NUDT7: variants seen among roughly 807,000 people sequenced by gnomAD.
NUDT7 encodes the protein nudix hydrolase 7, also known as peroxisomal coenzyme A diphosphatase NUDT7.
A neutral mutation model predicts 13.1 loss-of-function variants in NUDT7; 19 were observed. The observed-to-expected ratio is 1.45, with a 90% confidence interval of 1.01 to 2.13. The LOEUF is 2.13. Among genes scored for constraint, NUDT7 ranks in the 30% most tolerant of loss-of-function variants. The pLI, the probability that NUDT7 is intolerant of heterozygous loss-of-function variation, is 0.00. For missense variants in NUDT7, 360 were observed against 291.7 expected (o/e 1.23, Z -1.71); for synonymous variants, 132 against 109.7 (o/e 1.20, Z -1.27).
intron 3 of NUDT7, among the ~76,000 whole-genome samples, chr16:77,737,767 G>T (rs1251786062): frequency 6.6e-6 from 1 of 152,158 alleles, no homozygotes; most frequent in Non-Finnish European, 1.5e-5. Flanking sequence ...CTATAGACGT[G>T]AGCCACCACA....
intron 2 of NUDT7, among the ~76,000 whole-genome samples, chr16:77,734,417 A>G (rs760655032): frequency 7.2e-5 from 11 of 152,162 alleles, no homozygotes; most frequent in Non-Finnish European, 1.6e-4. Flanking sequence ...AGGTCAGAAG[A>G]TCGAGACCAG....
At chr16:77,738,553 C>A (rs765101213) in intron 3 of NUDT7, among the ~76,000 whole-genome samples, 41 of 152,004 alleles carry the variant, frequency 2.7e-4, no homozygotes, top group Non-Finnish European at 5.1e-4. Flanking sequence ...ATTTTTCAAC[C>A]CTGGGGAATT....
At chr16:77,728,434 T>C (rs912981460) in intron 2 of NUDT7, among the ~76,000 whole-genome samples, 1 of 152,130 alleles carries the variant, frequency 6.6e-6, no homozygotes, top group African/African-American at 2.4e-5. Flanking sequence ...AGTTTCACCA[T>C]GTTGGTTGGC....
chr16:77,728,602 G>T (rs146323345), intron 2 of NUDT7, among the ~76,000 whole-genome samples: 1 of 152,162 alleles, frequency 6.6e-6, no homozygotes, highest in South Asian at 2.1e-4. Context: ...TGAAAACAGC[G>T]CCTCATGTGC....
At chr16:77,733,765 AC>A (rs1161876140) in intron 2 of NUDT7, among the ~76,000 whole-genome samples, 2 of 152,202 alleles carry the variant, frequency 1.3e-5, no homozygotes, top group Non-Finnish European at 2.9e-5. Flanking sequence ...CCCATTGCAC[AC>A]AGTTGGAAAG....
chr16:77,726,621 C>A (rs182458271), intron 2 of NUDT7, among the ~76,000 whole-genome samples: 4 of 152,116 alleles, frequency 2.6e-5, no homozygotes, highest in African/African-American at 9.6e-5. Context: ...ATAGTGAAAC[C>A]CCATCTCTAC....
rs1367295845 is a variant in NUDT7, at chr16:77,731,346, C to A, written c.190-4482C>A. Among the ~76,000 whole-genome samples, 3 of 124,370 alleles carry A rather than the reference C, an allele frequency of 2.4e-5. No homozygotes were observed. In the East Asian group the frequency reaches 7.9e-4, roughly 33 times the overall value. 81.6% of individuals were successfully genotyped at this position (124,370 alleles called of 152,430 possible). A position where few individuals can be genotyped will look rare whatever the true frequency, so the allele number is the denominator to read the frequency against. ...AACTGTTTTTCCATCAATGATGGAC[C>A]ATGGACCATATATACAATGGTGGCC... On this transcript the variant is annotated intron_variant, in intron 2 of 3. Coordinates refer to ENST00000268533, the MANE Select transcript of NUDT7 (RefSeq NM_001105663.3).
At chr16:77,728,734 T>G (rs1020526284) in intron 2 of NUDT7, among the ~76,000 whole-genome samples, 5 of 152,166 alleles carry the variant, frequency 3.3e-5, no homozygotes, top group Non-Finnish European at 7.4e-5. Flanking sequence ...GGGTCCACCT[T>G]GGATAAGGGA....
intron 2 of NUDT7, among the ~76,000 whole-genome samples, chr16:77,727,383 G>A (rs2014170302): frequency 6.7e-6 from 1 of 148,588 alleles, no homozygotes; most frequent in Admixed American, 6.7e-5. Context: ...TTTTGTGGAC[G>A]TGGAAGTAGA....
At chr16:77,738,339 C>T (rs1434071975) in intron 3 of NUDT7, among the ~76,000 whole-genome samples, 2 of 152,048 alleles carry the variant, frequency 1.3e-5, no homozygotes, top group East Asian at 3.9e-4. Context: ...TTCCTGGGGG[C>T]CAGATACTCC....
intron 2 of NUDT7, among the ~76,000 whole-genome samples, chr16:77,728,203 G>C (rs1013977375): frequency 6.6e-6 from 1 of 152,018 alleles, no homozygotes; most frequent in African/African-American, 2.4e-5. Context: ...TCTCAAATGT[G>C]CAATCTCCCA....
At chr16:77,732,684 G>A (rs1489876347) in intron 2 of NUDT7, among the ~76,000 whole-genome samples, 2 of 152,252 alleles carry the variant, frequency 1.3e-5, no homozygotes, top group African/African-American at 4.8e-5. Flanking sequence ...TAGGTTTATA[G>A]TAGTCTATAT....
chr16:77,726,808 A>G (rs779675189), intron 2 of NUDT7, among the ~76,000 whole-genome samples: 2 of 152,130 alleles, frequency 1.3e-5, no homozygotes, highest in Non-Finnish European at 2.9e-5. Flanking sequence ...AAAAGAAAGA[A>G]AGAAAGAAAA....
intron 2 of NUDT7, among the ~76,000 whole-genome samples, chr16:77,727,815 C>G (rs1038225064): frequency 2.6e-5 from 4 of 151,986 alleles, no homozygotes; most frequent in Non-Finnish European, 5.9e-5. Flanking sequence ...CGAGATCGTG[C>G]CACTGCACTC....
chr16:77,741,282 C>T (rs142180871), intron 3 of NUDT7, among the ~76,000 whole-genome samples: 131 of 152,262 alleles, frequency 8.6e-4, no homozygotes, highest in African/African-American at 3.0e-3. Context: ...TACACAAATG[C>T]AATTCCCAGG....
chr16:77,740,576 C>G (rs1318806933), intron 3 of NUDT7, among the ~76,000 whole-genome samples: 1 of 152,164 alleles, frequency 6.6e-6, no homozygotes, highest in Non-Finnish European at 1.5e-5. Flanking sequence ...CTGGGCCTCT[C>G]TCTGTCACCC....
chr16:77,736,751 C>A, intron 3 of NUDT7: 1 of 204,220 alleles, frequency 4.9e-6, no homozygotes, highest in Non-Finnish European at 1.1e-5. Context: ...CAGGTGTGAA[C>A]CACTGTGCTC....
At chr16:77,736,493 C>G (rs979577110) in intron 3 of NUDT7, among the ~76,000 whole-genome samples, 1 of 152,140 alleles carries the variant, frequency 6.6e-6, no homozygotes, top group African/African-American at 2.4e-5. Flanking sequence ...ACTAGGCAAG[C>G]TATTTAAAAA....
intron 2 of NUDT7, chr16:77,735,265 A>T (rs1295060025): frequency 9.9e-6 from 4 of 405,928 alleles, no homozygotes; most frequent in Non-Finnish European, 1.7e-5. Flanking sequence ...GCCTGGTGGG[A>T]GGTGATTTGA....
Sources: allele counts gnomAD v4.1 joint callset (sites outside exome capture counted in the v4.1 genomes callset), GRCh38; gene constraint gnomAD v4.1.1; transcripts MANE v1.5; gene names NCBI Gene and HGNC (gene_info 2026-07-23, HGNC 2026-07-21).